Variants in QKI observed in about 807,000 individuals in gnomAD.
QKI encodes QKI, KH domain containing RNA binding.
Under a neutral mutation model 39.0 loss-of-function variants are expected in QKI, and 10 were observed. The observed-to-expected ratio is 0.26, with a 90% CI of 0.16 to 0.43. QKI has a LOEUF of 0.43. QKI is among the 20% of genes least tolerant of loss of function. The probability of loss-of-function intolerance (pLI) is 1.00; values close to 1 mark genes in which losing one functional copy is unlikely to be tolerated. For missense variants in QKI, 218 were observed against 428.0 expected, an observed-to-expected ratio of 0.51 and a Z score of 4.33; for synonymous variants, 204 against 155.4, an observed-to-expected ratio of 1.31 and a Z score of -2.33.
chr6:163,422,113 C>T (rs372858043), intron 1 of QKI, among the ~76,000 whole-genome samples: 17 of 152,248 alleles, frequency 1.1e-4, no homozygotes, highest in African/African-American at 4.1e-4. Flanking sequence ...GTTTGAAAAT[C>T]TGTGATGAAT....
At chr6:163,426,694 G>T (rs925311186) in intron 1 of QKI, among the ~76,000 whole-genome samples, 3 of 152,048 alleles carry the variant, frequency 2.0e-5, no homozygotes, top group Non-Finnish European at 4.4e-5. Context: ...CCTTTGAAAG[G>T]TACAGCTTTC....
chr6:163,532,126 T>C lies in QKI; in HGVS notation c.403-2856T>C, dbSNP rs1425892779. On this transcript the variant is annotated intron_variant, in intron 3 of 7. Transcript: ENST00000361752. The stretch of plus-strand genomic sequence containing the variant: ...TTGTTTCTATCATGAAAATAATTAT[T>C]CCTTTTAAATTCTCTGGCTTTTCTC... Among the ~76,000 whole-genome samples the C allele has an allele frequency of 2.0e-5, 3 of 152,338 alleles. No homozygotes were observed. The East Asian group carries it at 5.8e-4, about 29-fold the overall frequency.
At chr6:163,516,744 T>C (rs557521012) in intron 3 of QKI, among the ~76,000 whole-genome samples, 10 of 152,326 alleles carry the variant, frequency 6.6e-5, no homozygotes, top group African/African-American at 2.2e-4. Context: ...AAATAAAATA[T>C]GTTTTCATAC....
chr6:163,484,145 C>T (rs1397864571), intron 3 of QKI, among the ~76,000 whole-genome samples: 1 of 151,760 alleles, frequency 6.6e-6, no homozygotes, highest in Non-Finnish European at 1.5e-5. Flanking sequence ...CCTTTCTCTG[C>T]TGACATCCAG....
intron 4 of QKI, among the ~76,000 whole-genome samples, chr6:163,546,034 A>G (rs1781847583): frequency 1.4e-5 from 2 of 147,948 alleles, no homozygotes; most frequent in Middle Eastern, 7.2e-3. Flanking sequence ...TATATATTTT[A>G]TATAATTATA....
intron 1 of QKI, among the ~76,000 whole-genome samples, chr6:163,439,629 C>T (rs1789602865): frequency 1.3e-5 from 2 of 149,400 alleles, no homozygotes; most frequent in African/African-American, 4.9e-5. Flanking sequence ...GTTGAGATTA[C>T]AGGCATGAGC....
At chr6:163,506,352 G>A (rs1779093497) in intron 3 of QKI, among the ~76,000 whole-genome samples, 1 of 152,124 alleles carries the variant, frequency 6.6e-6, no homozygotes, top group African/African-American at 2.4e-5. Context: ...ATTATGATAA[G>A]GGAACAAGAT....
chr6:163,456,129 C>G (rs1002054422), intron 2 of QKI, among the ~76,000 whole-genome samples: 4 of 152,290 alleles, frequency 2.6e-5, no homozygotes, highest in Non-Finnish European at 4.4e-5. Context: ...GTGCTCTGAT[C>G]TCTACTGGCT....
intron 6 of QKI, chr6:163,564,086 A>T: frequency 9.4e-7 from 1 of 1,067,232 alleles, no homozygotes; most frequent in Non-Finnish European, 1.1e-6. Flanking sequence ...GATTTATTTT[A>T]TCTCACAGGT....
intron 1 of QKI, among the ~76,000 whole-genome samples, chr6:163,415,589 C>T (rs1353870901): frequency 6.6e-6 from 1 of 151,702 alleles, no homozygotes; most frequent in Non-Finnish European, 1.5e-5. Flanking sequence ...CAAGTTGGCG[C>T]GTTGCGGAGG....
intron 4 of QKI, among the ~76,000 whole-genome samples, chr6:163,540,427 GT>G (rs1554275607): frequency 1.3e-5 from 2 of 152,080 alleles, no homozygotes; most frequent in Non-Finnish European, 2.9e-5. Context: ...TATTTCATCA[GT>G]TTGCATAACT....
intron 4 of QKI, among the ~76,000 whole-genome samples, chr6:163,558,657 C>T (rs963240796): frequency 7.9e-5 from 12 of 152,108 alleles, no homozygotes; most frequent in African/African-American, 2.7e-4. Context: ...CCTCAGCCTC[C>T]CAAAGTGTTG....
chr6:163,439,649 C>T (rs919110937), intron 1 of QKI, among the ~76,000 whole-genome samples: 4 of 143,066 alleles, frequency 2.8e-5, no homozygotes, highest in Non-Finnish European at 6.0e-5. Flanking sequence ...CCACCGCGTC[C>T]TGAATCCTTT....
chr6:163,531,031 T>TA lies in QKI; in HGVS notation c.403-3950dup, dbSNP rs140112755. Among the ~76,000 whole-genome samples the TA allele has an allele frequency of 4.4e-3, 668 of 152,318 alleles. 1 individual carries two copies. The highest frequency in any genetic ancestry group is 5.9e-3 in the Non-Finnish European group (404 of 68,026). ...TATACAGTTCTGCACCATTTTTTTT[T>TA]ATCTCTGTCTTTTGCTACTTGGAGA... On this transcript the variant is annotated intron_variant, in intron 3 of 7. Transcript: ENST00000361752.
intron 3 of QKI, among the ~76,000 whole-genome samples, chr6:163,497,675 T>C (rs1269052970): frequency 6.6e-6 from 1 of 152,070 alleles, no homozygotes; most frequent in African/African-American, 2.4e-5. Context: ...TAAAACCCTA[T>C]TACCTTTGTA....
At chr6:163,566,304 C>T in intron 6 of QKI, 2 of 1,201,814 alleles carry the variant, frequency 1.7e-6, no homozygotes, top group Admixed American at 8.3e-5. Flanking sequence ...TGCTTTTAAA[C>T]CTTTTTAAGT....
At chr6:163,528,592 G>A (rs1780659277) in intron 3 of QKI, among the ~76,000 whole-genome samples, 1 of 152,174 alleles carries the variant, frequency 6.6e-6, no homozygotes, top group Non-Finnish European at 1.5e-5. Context: ...TTGGCAAGCA[G>A]TGTTTGATAA....
chr6:163,453,456 A>G (rs1049332262), intron 1 of QKI, among the ~76,000 whole-genome samples: 5 of 152,136 alleles, frequency 3.3e-5, no homozygotes, highest in African/African-American at 1.2e-4. Flanking sequence ...TGGCTAAAGG[A>G]TGTATGTGTG....
intron 6 of QKI, chr6:163,565,916 A>G (rs1372494596): frequency 1.2e-6 from 2 of 1,613,028 alleles, no homozygotes; most frequent in East Asian, 2.2e-5. Context: ...ATTGATGACT[A>G]ATTTTTAATT....
Sources: allele counts gnomAD v4.1 joint callset (sites outside exome capture counted in the v4.1 genomes callset), GRCh38; gene constraint gnomAD v4.1.1; transcripts MANE v1.5; gene names NCBI Gene and HGNC (gene_info 2026-07-23, HGNC 2026-07-21).